COCH: variants seen among roughly 807,000 people sequenced by gnomAD.
The protein encoded by COCH is cochlin.
A neutral mutation model predicts 54.8 loss-of-function variants in COCH; 40 were observed. That is an observed-to-expected ratio of 0.73 (90% CI 0.57 to 0.95). The LOEUF is 0.95. Among genes scored for constraint, COCH ranks in the 40% least tolerant of loss-of-function variants. The pLI is 0.00. For missense variants in COCH, 605 were observed against 675.0 expected, an observed-to-expected ratio of 0.90 and a Z score of 1.15; for synonymous variants, 256 against 237.9, an observed-to-expected ratio of 1.08 and a Z score of -0.70.
chr14:30,888,792 GA>G lies in COCH; in HGVS notation c.1478-808del, dbSNP rs34664716. 2.0e-3 allele frequency among the ~76,000 whole-genome samples: 255 copies of G among 126,662 alleles called. 1 individual carries two copies. The highest frequency in any genetic ancestry group is 0.012 in the Middle Eastern group (3 of 256). 83.1% of individuals were successfully genotyped at this position (126,662 alleles called of 152,430 possible). A position where few individuals can be genotyped will look rare whatever the true frequency, so the allele number is the denominator to read the frequency against. The stretch of plus-strand genomic sequence containing the variant: ...GGCAAAAGAGCCAGACCCTGTCTGA[GA>G]AAAAAAAAAAAAAAAGATTAAATGA... On this transcript the variant is annotated intron_variant, in intron 11 of 11. Coordinates refer to ENST00000396618, the MANE Select transcript of COCH (RefSeq NM_004086.3).
intron 3 of COCH, 104 bp downstream of exon 3, chr14:30,875,207 T>TGAG: frequency 6.8e-7 from 1 of 1,461,060 alleles, no homozygotes; most frequent in Non-Finnish European, 9.2e-7. Flanking sequence ...CCCTACCGCC[T>TGAG]GAGGAGGAAG....
intron 3 of COCH, chr14:30,875,476 C>A: frequency 1.9e-6 from 1 of 522,470 alleles, no homozygotes; most frequent in East Asian, 3.1e-5. Flanking sequence ...GGCTCTGCTG[C>A]GTTTGGGGGT....
downstream of COCH, chr14:30,894,901 T>A (rs1896088426): frequency 9.4e-7 from 1 of 1,058,212 alleles, no homozygotes; most frequent in East Asian, 6.6e-5. Context: ...TTCTTTTTTT[T>A]TTTTTTTAAA....
Position 30,889,817 on chromosome 14 carries a change from A to AT in COCH, c.*26_*27insT, listed in dbSNP as rs770473394. On this transcript the variant is annotated 3_prime_UTR_variant, in exon 12 of 12. Transcript: ENST00000396618. Reference sequence around the variant, plus strand: ...TGGTAACATTTTGACAACTGAAAGAAAAAGTACAAGGGGATCCAGTGTGTA... The same window carrying AT: ...TGGTAACATTTTGACAACTGAAAGAATAAAGTACAAGGGGATCCAGTGTGTA... 1.9e-6 allele frequency: 3 copies of AT among 1,606,666 alleles called. No homozygotes were observed. Among genetic ancestry groups the AT allele is most frequent in the Non-Finnish European group, 2.6e-6 (3 of 1,174,628 alleles).
intron 11 of COCH, 51 bp from the exon 12 acceptor site, chr14:30,889,563 CAT>C (rs1895911680): frequency 6.8e-7 from 1 of 1,479,352 alleles, no homozygotes; most frequent in Non-Finnish European, 9.4e-7. Context: ...GACATAATTC[CAT>C]ATATTAGCTA....
intron 8 of COCH, among the ~76,000 whole-genome samples, chr14:30,881,900 C>G (rs1226772560): frequency 1.3e-5 from 2 of 151,622 alleles, no homozygotes; most frequent in Non-Finnish European, 1.5e-5. Context: ...GGAGGTGGAG[C>G]TTGCAGTGAG....
intron 9 of COCH, 104 bp downstream of exon 9, chr14:30,884,760 T>C: frequency 7.8e-7 from 1 of 1,283,876 alleles, no homozygotes; most frequent in East Asian, 2.4e-5. Flanking sequence ...TGTGAAATCC[T>C]CCTGGAACTG....
intron 8 of COCH, among the ~76,000 whole-genome samples, chr14:30,882,192 C>T (rs1347494672): frequency 7.9e-6 from 1 of 126,552 alleles, no homozygotes; most frequent in South Asian, 2.6e-4. Flanking sequence ...TGCAATGGCA[C>T]GATCTTTGTT....
chr14:30,883,256 C>T (rs1189341360), intron 8 of COCH, among the ~76,000 whole-genome samples: 1 of 152,134 alleles, frequency 6.6e-6, no homozygotes, highest in African/African-American at 2.4e-5. Flanking sequence ...TTTTATTGCA[C>T]ATTTTAACAT....
chr14:30,887,722 T>C (rs768385071), intron 11 of COCH, among the ~76,000 whole-genome samples: 2 of 152,176 alleles, frequency 1.3e-5, no homozygotes, highest in Non-Finnish European at 2.9e-5. Flanking sequence ...TTCTACACAT[T>C]AGTACCTCTG....
At chr14:30,892,742 G>A (rs566395641), downstream of COCH, among the ~76,000 whole-genome samples, 36 of 152,168 alleles carry the variant, frequency 2.4e-4, 2 homozygotes, top group South Asian at 7.1e-3. Flanking sequence ...GGGAGACGGA[G>A]GTTGCAGCGT....
At chr14:30,882,130 T>C (rs1183345276) in intron 8 of COCH, among the ~76,000 whole-genome samples, 1 of 115,284 alleles carries the variant, frequency 8.7e-6, no homozygotes, top group East Asian at 2.2e-4. Flanking sequence ...GTTTTTTTTT[T>C]TTTTTTTTTT....
intron 11 of COCH, 61 bp downstream of exon 11, chr14:30,886,373 GT>G: frequency 6.4e-7 from 1 of 1,572,846 alleles, no homozygotes. Flanking sequence ...GAATTTAGGA[GT>G]AAATAAAAAT....
In COCH at chr14:30,876,436, G is replaced by A. The variant is rs563702017; in HGVS notation, c.83-1136G>A. ...GACAGATCTGGAGCAGAAATAATCAGGTTCAATTAAGATAAAAATGCTGTA... is the reference window on the plus strand; with the variant it reads ...GACAGATCTGGAGCAGAAATAATCAAGTTCAATTAAGATAAAAATGCTGTA... On this transcript the variant is annotated intron_variant, in intron 3 of 11. Transcript: ENST00000396618. 6.6e-5 allele frequency: 10 copies of A among 152,242 alleles called. No homozygotes were observed. The South Asian group carries it at 2.1e-3, about 32-fold the overall frequency. The allele number at this position is 152,242 out of a possible 1,614,324, so 9.4% of individuals were successfully genotyped here. A position where few individuals can be genotyped will look rare whatever the true frequency, so the allele number is the denominator to read the frequency against.
intron 8 of COCH, 141 bp downstream of exon 8, chr14:30,880,875 T>C: frequency 1.4e-6 from 1 of 703,472 alleles, no homozygotes; most frequent in South Asian, 1.6e-5. Flanking sequence ...AATTAGCATA[T>C]CCATCACCTC....
intron 3 of COCH, chr14:30,875,454 G>A: frequency 1.7e-6 from 1 of 582,696 alleles, no homozygotes; most frequent in Non-Finnish European, 3.0e-6. Flanking sequence ...ACCGAGGAGC[G>A]CACCAGTCCT....
intron 9 of COCH, chr14:30,885,119 G>A (rs1895738363): frequency 7.2e-6 from 11 of 1,536,660 alleles, no homozygotes; most frequent in South Asian, 4.9e-5. Context: ...TCTAACTGGC[G>A]ATTGATGTGG....
At chr14:30,895,403 T>C (rs746320443), downstream of COCH, 27 of 1,589,824 alleles carry the variant, frequency 1.7e-5, no homozygotes, top group South Asian at 2.3e-5. Flanking sequence ...ATGCAAGTTT[T>C]TGTTGATTCA....
In COCH at chr14:30,889,433, C is replaced by G. The variant is rs137883850; in HGVS notation, c.1478-183C>G. 595 of 605,658 alleles carry G rather than the reference C, an allele frequency of 9.8e-4. 1 individual carries two copies. The highest frequency in any genetic ancestry group is 8.9e-3 in the African/African-American group (484 of 54,188). 37.5% of individuals were successfully genotyped at this position (605,658 alleles called of 1,614,324 possible). A position where few individuals can be genotyped will look rare whatever the true frequency, so the allele number is the denominator to read the frequency against. On this transcript the variant is annotated intron_variant, in intron 11 of 11. Coordinates refer to ENST00000396618, the MANE Select transcript of COCH (RefSeq NM_004086.3). ...ATAGCAGAGTTTCTGGTTTGGACCA[C>G]TCTTTTGCCACTCTCGTCACAATGA...
Sources: gnomAD v4.1 joint callset for allele counts (sites outside exome capture counted in the v4.1 genomes callset) on GRCh38, gnomAD v4.1.1 for gene constraint, MANE v1.5 for transcripts, NCBI Gene and HGNC (gene_info 2026-07-23, HGNC 2026-07-21) for gene names.